Variants in LRRC72 observed in about 807,000 individuals in gnomAD.
The protein encoded by LRRC72 is leucine rich repeat containing 72, also known as leucine-rich repeat-containing protein 72.
Under a neutral mutation model 35.8 loss-of-function variants are expected in LRRC72, and 41 were observed. The observed-to-expected ratio is 1.15, with a 90% CI of 0.89 to 1.49. The LOEUF (loss-of-function observed/expected upper bound fraction) is 1.49. Ranked by LOEUF, LRRC72 falls within the 40% of genes most tolerant of loss-of-function variation. The pLI is 0.00. For synonymous variants in LRRC72, 118 were observed against 119.2 expected (o/e 0.99, Z 0.07); for missense variants, 389 against 330.7 (o/e 1.18, Z -1.37).
intron 7 of LRRC72, among the ~76,000 whole-genome samples, chr7:16,568,540 A>T (rs183673854): frequency 2.0e-4 from 31 of 152,348 alleles, no homozygotes; most frequent in African/African-American, 5.8e-4. Context: ...TAGTTCCTGA[A>T]AAACAAATTA....
At chr7:16,534,330 T>C (rs765095932) in intron 2 of LRRC72, among the ~76,000 whole-genome samples, 11 of 152,218 alleles carry the variant, frequency 7.2e-5, no homozygotes, top group Non-Finnish European at 1.6e-4. Context: ...CAGCCCATTA[T>C]TGATTTAGGA....
chr7:16,567,099 T>C (rs908508411), intron 6 of LRRC72, among the ~76,000 whole-genome samples: 1 of 152,160 alleles, frequency 6.6e-6, no homozygotes, highest in Non-Finnish European at 1.5e-5. Flanking sequence ...CTTGAGGAAA[T>C]GAAAGGATGT....
At chr7:16,551,508 G>T (rs59435054) in intron 3 of LRRC72, among the ~76,000 whole-genome samples, 1 of 152,100 alleles carries the variant, frequency 6.6e-6, no homozygotes, top group South Asian at 2.1e-4. Context: ...TCTGCTTCCT[G>T]GAAGCCCTAC....
intron 3 of LRRC72, among the ~76,000 whole-genome samples, chr7:16,546,425 A>G (rs1651160645): frequency 6.6e-6 from 1 of 152,008 alleles, no homozygotes. Context: ...ATGCCAGGAG[A>G]TGCCCCCCAG....
In LRRC72 at chr7:16,557,275, T is replaced by G. The variant is rs1583645189; in HGVS notation, c.235-85T>G. 1.5e-5 allele frequency: 5 copies of G among 327,536 alleles called. No individual in the cohort carries two copies. In the Admixed American group the frequency reaches 2.5e-4, roughly 16 times the overall value. The allele number at this position is 327,536 out of a possible 1,614,324, so 20.3% of individuals were successfully genotyped here. On this transcript the variant is annotated intron_variant, in intron 3 of 8. Transcript: ENST00000401542. ...TATCTTATTATAATTAAATATATAT[T>G]ATTTATGTATATCAGGTTATTTATA...
At chr7:16,557,564 A>T in intron 4 of LRRC72, 123 bp downstream of exon 4, 1 of 349,076 alleles carries the variant, frequency 2.9e-6, no homozygotes. Context: ...ATATTAAGAA[A>T]TGTATTTTTT....
chr7:16,543,727 T>G (rs1030241531), intron 3 of LRRC72, among the ~76,000 whole-genome samples: 1 of 152,190 alleles, frequency 6.6e-6, no homozygotes, highest in African/African-American at 2.4e-5. Context: ...GGAGAGGCTC[T>G]CTTATTCCTA....
chr7:16,580,657 A>C (rs1783126391), intron 8 of LRRC72, among the ~76,000 whole-genome samples: 1 of 152,210 alleles, frequency 6.6e-6, no homozygotes, highest in African/African-American at 2.4e-5. Context: ...AAATAAAAAA[A>C]TAAAAAATAA....
chr7:16,581,052 C>G (rs1183156116), intron 8 of LRRC72, among the ~76,000 whole-genome samples: 3 of 152,014 alleles, frequency 2.0e-5, no homozygotes, highest in African/African-American at 7.3e-5. Flanking sequence ...TAAAACATGA[C>G]TGCATGAGTA....
At chr7:16,560,227 C>A (rs929754195) in intron 5 of LRRC72, among the ~76,000 whole-genome samples, 1 of 152,108 alleles carries the variant, frequency 6.6e-6, no homozygotes, top group African/African-American at 2.4e-5. Flanking sequence ...CTATTCATTT[C>A]TCAGAATTGC....
Position 16,558,959 on chromosome 7 carries a change from A to G in LRRC72, c.387A>G (p.Thr129=). 6.5e-7 allele frequency: 1 copy of G among 1,537,226 alleles called. No individual in the cohort carries two copies. The highest frequency in any genetic ancestry group is 8.8e-7 in the Non-Finnish European group (1 of 1,138,482). ...ATGAGCTAACCAACATTGATGCAAC[A>G]GTGAAGGAATTAAAGGGAATGCTAA... ...HHNELTNIDA[T]VKELKGMLNL... The change falls in exon 5 of 9, where the codon ACA becomes ACG. Residue 129 remains threonine, a synonymous_variant. Coordinates refer to ENST00000401542, the MANE Select transcript of LRRC72 (RefSeq NM_001195280.2).
intron 4 of LRRC72, 68 bp from the exon 5 acceptor site, chr7:16,558,821 T>C: frequency 1.0e-6 from 1 of 954,584 alleles, no homozygotes; most frequent in Non-Finnish European, 1.5e-6. Context: ...TGTTTATTTT[T>C]ATTTGCAATA....
At chr7:16,575,784 G>A (rs1440755804) in intron 7 of LRRC72, among the ~76,000 whole-genome samples, 3 of 152,156 alleles carry the variant, frequency 2.0e-5, no homozygotes, top group Admixed American at 1.3e-4. Flanking sequence ...TAGGAAAGGA[G>A]TCTTTAGATA....
chr7:16,551,599 C>T (rs752063274), intron 3 of LRRC72, among the ~76,000 whole-genome samples: 3 of 152,096 alleles, frequency 2.0e-5, no homozygotes, highest in Non-Finnish European at 4.4e-5. Context: ...TGTAATAAAG[C>T]TTTCATACAA....
chr7:16,529,669 T>C (rs565659558), intron 1 of LRRC72, among the ~76,000 whole-genome samples: 1 of 152,312 alleles, frequency 6.6e-6, no homozygotes, highest in South Asian at 2.1e-4. Context: ...ACTGGATTCA[T>C]GCAAAATTAT....
At chr7:16,530,766 A>T (rs1782147853) in intron 1 of LRRC72, among the ~76,000 whole-genome samples, 1 of 152,242 alleles carries the variant, frequency 6.6e-6, no homozygotes, top group South Asian at 2.1e-4. Flanking sequence ...TCAATTTAAA[A>T]GCACATTTAT....
chr7:16,554,121 G>A (rs1394922052), intron 3 of LRRC72, among the ~76,000 whole-genome samples: 1 of 152,164 alleles, frequency 6.6e-6, no homozygotes, highest in Non-Finnish European at 1.5e-5. Flanking sequence ...CTGAGGTCAG[G>A]GGTTCGAGAC....
At chr7:16,533,705 T>C (rs1782206376) in intron 2 of LRRC72, among the ~76,000 whole-genome samples, 1 of 152,138 alleles carries the variant, frequency 6.6e-6, no homozygotes, top group Non-Finnish European at 1.5e-5. Flanking sequence ...GAAAAGTGTT[T>C]ACCTTTGTAA....
intron 3 of LRRC72, among the ~76,000 whole-genome samples, chr7:16,551,232 C>A (rs929138516): frequency 3.3e-5 from 5 of 152,090 alleles, no homozygotes; most frequent in Admixed American, 3.3e-4. Flanking sequence ...ACCTACGAGC[C>A]AATAATAATA....
Sources: gnomAD v4.1 joint callset for allele counts (sites outside exome capture counted in the v4.1 genomes callset) on GRCh38, gnomAD v4.1.1 for gene constraint, MANE v1.5 for transcripts, NCBI Gene and HGNC (gene_info 2026-07-23, HGNC 2026-07-21) for gene names.